The following EIF4G3 variants were observed in gnomAD, a reference collection of about 807,000 sequenced individuals.
EIF4G3 encodes the protein eIF-4-gamma 3.
Under a neutral mutation model 186.4 loss-of-function variants are expected in EIF4G3, and 34 were observed. That is an observed-to-expected ratio of 0.18 (90% CI 0.14 to 0.24). The LOEUF (loss-of-function observed/expected upper bound fraction) is 0.24, where lower values mean the gene tolerates loss of function less well. EIF4G3 is among the 10% of genes least tolerant of loss of function. The probability of loss-of-function intolerance (pLI) is 1.00; values close to 1 mark genes in which losing one functional copy is unlikely to be tolerated. For missense variants in EIF4G3, 1,536 were observed against 1,948.5 expected (o/e 0.79, Z 3.99); for synonymous variants, 673 against 679.5 (o/e 0.99, Z 0.15).
chr1:20,884,243 A>G (rs1558069642), intron 19 of EIF4G3, among the ~76,000 whole-genome samples: 1 of 152,250 alleles, frequency 6.6e-6, no homozygotes, highest in Non-Finnish European at 1.5e-5. Flanking sequence ...TCATATCAAG[A>G]TAATTATTCT....
chr1:21,087,040 C>T (rs1043643542), intron 3 of EIF4G3, among the ~76,000 whole-genome samples: 2 of 151,884 alleles, frequency 1.3e-5, no homozygotes, highest in Non-Finnish European at 2.9e-5. Context: ...AAAGAGAGAG[C>T]ATTACAACTA....
intron 3 of EIF4G3, among the ~76,000 whole-genome samples, chr1:21,084,358 G>A (rs981579956): frequency 6.6e-6 from 1 of 152,094 alleles, no homozygotes; most frequent in Non-Finnish European, 1.5e-5. Context: ...CGTCTTACAT[G>A]ATGGCAGGAG....
At chr1:20,886,867 T>C (rs765001702) in intron 18 of EIF4G3, among the ~76,000 whole-genome samples, 1 of 152,174 alleles carries the variant, frequency 6.6e-6, no homozygotes, top group African/African-American at 2.4e-5. Context: ...AAGCCCGTTA[T>C]ATATCATCAA....
At chr1:21,101,565 A>AAAAAAAAAAAAC (rs1168660715) in intron 2 of EIF4G3, among the ~76,000 whole-genome samples, 1 of 141,766 alleles carries the variant, frequency 7.1e-6, no homozygotes, top group Non-Finnish European at 1.5e-5. Context: ...GTCTCAGGAA[A>AAAAAAAAAAAAC]AAAAAAAAAA....
At chr1:21,064,172 T>A (rs187253013) in intron 3 of EIF4G3, among the ~76,000 whole-genome samples, 2 of 152,228 alleles carry the variant, frequency 1.3e-5, no homozygotes, top group African/African-American at 4.8e-5. Context: ...TAGTTGAGGA[T>A]GGCGAGGTTC....
chr1:21,032,876 A>C (rs1002545723), intron 4 of EIF4G3, among the ~76,000 whole-genome samples: 25 of 152,336 alleles, frequency 1.6e-4, no homozygotes, highest in African/African-American at 5.3e-4. Flanking sequence ...TGGCATACAT[A>C]AACCAGAAAT....
intron 2 of EIF4G3, among the ~76,000 whole-genome samples, chr1:21,123,514 A>C (rs2096964340): frequency 6.6e-6 from 1 of 151,474 alleles, no homozygotes; most frequent in Non-Finnish European, 1.5e-5. Flanking sequence ...ACAGTGGGCC[A>C]AGATTGCACC....
intron 3 of EIF4G3, among the ~76,000 whole-genome samples, chr1:21,082,401 A>G (rs1016419553): frequency 1.1e-4 from 16 of 151,956 alleles, no homozygotes; most frequent in Admixed American, 7.2e-4. Context: ...CAAGGCCAAC[A>G]TGGCGAAACT....
Position 21,089,130 on chromosome 1 carries a change from ACACT to A in EIF4G3, c.-196+4_-196+7del. 1 of 716,670 alleles carries A rather than the reference ACACT, an allele frequency of 1.4e-6. No homozygotes were observed. The highest frequency in any genetic ancestry group is 2.6e-6 in the Non-Finnish European group (1 of 384,814). The allele number at this position is 716,670 out of a possible 1,614,324, so 44.4% of individuals were successfully genotyped here. ...ACACACACAATTTGACAACCTTCAG[ACACT>A]CACCGTGCTGTAGACTGCTGAGACA... On this transcript the variant is annotated splice_donor_5th_base_variant and intron_variant, in intron 3 of 36. Coordinates refer to ENST00000602326, the MANE Select transcript of EIF4G3 (RefSeq NM_001391906.1).
At chr1:21,072,270 A>G (rs2095464698) in intron 3 of EIF4G3, among the ~76,000 whole-genome samples, 1 of 152,230 alleles carries the variant, frequency 6.6e-6, no homozygotes, top group South Asian at 2.1e-4. Context: ...GCAGTGGCTC[A>G]TGCCGGTAAT....
intron 4 of EIF4G3, among the ~76,000 whole-genome samples, chr1:21,047,815 C>G (rs1332175037): frequency 6.6e-6 from 1 of 152,112 alleles, no homozygotes; most frequent in African/African-American, 2.4e-5. Context: ...CTTGAGTTTC[C>G]CATGGAACTC....
chr1:21,176,255 CG>C lies in EIF4G3; in HGVS notation c.-353del, dbSNP rs2098104134. On this transcript the variant is annotated 5_prime_UTR_variant, in exon 2 of 37. Transcript: ENST00000602326. ...CTGCCGCCGCCGCCGCCGCCGCCGC[CG>C]CCGCCGCCGCTGCTGCCGCCGCCGG... The C allele has an allele frequency of 2.6e-6, 1 of 379,570 alleles. No individual in the cohort carries two copies. Among genetic ancestry groups the C allele is most frequent in the Non-Finnish European group, 4.6e-6 (1 of 219,072 alleles). The allele number at this position is 379,570 out of a possible 1,614,324, so 23.5% of individuals were successfully genotyped here.
At chr1:20,814,928 G>A (rs1434061888) in intron 34 of EIF4G3, among the ~76,000 whole-genome samples, 4 of 105,334 alleles carry the variant, frequency 3.8e-5, no homozygotes, top group African/African-American at 1.1e-4. Context: ...GATTGCAGGC[G>A]CGCGCTGCCA....
chr1:20,821,045 C>G (rs576619377), intron 33 of EIF4G3, among the ~76,000 whole-genome samples: 1 of 152,270 alleles, frequency 6.6e-6, no homozygotes, highest in Admixed American at 6.5e-5. Context: ...TCTTCCTGGA[C>G]ACAGGAAAAG....
At chr1:20,877,765 A>G (rs2081281156) in intron 20 of EIF4G3, among the ~76,000 whole-genome samples, 1 of 152,234 alleles carries the variant, frequency 6.6e-6, no homozygotes, top group Non-Finnish European at 1.5e-5. Flanking sequence ...GATTAAAAAC[A>G]GGGGCTTAAA....
At chr1:20,820,272 G>A (rs1010660461) in intron 33 of EIF4G3, among the ~76,000 whole-genome samples, 3 of 152,210 alleles carry the variant, frequency 2.0e-5, no homozygotes, top group Non-Finnish European at 4.4e-5. Flanking sequence ...GGCAGGGGAC[G>A]GGAAAAGGGG....
At chr1:21,071,109 A>G (rs1008174024) in intron 3 of EIF4G3, among the ~76,000 whole-genome samples, 6 of 152,240 alleles carry the variant, frequency 3.9e-5, no homozygotes, top group Non-Finnish European at 7.3e-5. Flanking sequence ...TTGATCTAAT[A>G]TAAGAAACAT....
At chr1:21,115,468 T>C (rs1213757757) in intron 2 of EIF4G3, among the ~76,000 whole-genome samples, 2 of 152,216 alleles carry the variant, frequency 1.3e-5, no homozygotes, top group Non-Finnish European at 2.9e-5. Flanking sequence ...GCACATGCTG[T>C]TGAAAATGAT....
chr1:20,936,925 T>C (rs139630797), intron 14 of EIF4G3, among the ~76,000 whole-genome samples: 1 of 152,342 alleles, frequency 6.6e-6, no homozygotes, highest in East Asian at 1.9e-4. Context: ...TTCTACAGAA[T>C]CTGGAAACCC....
Sources: allele counts gnomAD v4.1 joint callset (sites outside exome capture counted in the v4.1 genomes callset), GRCh38; gene constraint gnomAD v4.1.1; transcripts MANE v1.5; gene names NCBI Gene and HGNC (gene_info 2026-07-23, HGNC 2026-07-21).